Variants in BMPR1A observed in about 807,000 individuals in gnomAD.
BMPR1A encodes bone morphogenetic protein receptor type-1A.
A neutral mutation model predicts 66.0 loss-of-function variants in BMPR1A; 7 were observed. The ratio of observed to expected loss-of-function variants is 0.11; its 90% CI spans 0.06 to 0.20. BMPR1A has a LOEUF of 0.20. Ranked by LOEUF, BMPR1A falls within the 10% of genes least tolerant of loss-of-function variation. The pLI, the probability that BMPR1A is intolerant of heterozygous loss-of-function variation, is 1.00. For missense variants in BMPR1A, 408 were observed against 669.1 expected (o/e 0.61, Z 4.31); for synonymous variants, 200 against 229.7 (o/e 0.87, Z 1.17).
chr10:86,868,613 T>G (rs1842813707), intron 2 of BMPR1A, among the ~76,000 whole-genome samples: 1 of 151,862 alleles, frequency 6.6e-6, no homozygotes, highest in Non-Finnish European at 1.5e-5. Flanking sequence ...GAAAGGAGAG[T>G]TTTCTCCTTG....
At chr10:86,786,439 C>T (rs1333166828) in intron 1 of BMPR1A, among the ~76,000 whole-genome samples, 1 of 152,126 alleles carries the variant, frequency 6.6e-6, no homozygotes, top group African/African-American at 2.4e-5. Context: ...AGCTCTGACC[C>T]TACCTTTCTC....
Position 86,926,865 on chromosome 10 carries a change from T to A in BMPR1A, c.*3146T>A, listed in dbSNP as rs1456590386. 1 of 193,436 alleles carries A rather than the reference T, an allele frequency of 5.2e-6. No homozygotes were observed. Among genetic ancestry groups the A allele is most frequent in the Non-Finnish European group, 1.1e-5 (1 of 92,862 alleles). 12.0% of individuals were successfully genotyped at this position (193,436 alleles called of 1,614,324 possible). ...AAAGAGAGTTCTTGTGAATTCTCTT[T>A]ATGCTGGCAAATAGCTCTAGGATTA... On this transcript the variant is annotated 3_prime_UTR_variant, in exon 13 of 13. Coordinates refer to ENST00000372037, the MANE Select transcript of BMPR1A (RefSeq NM_004329.3).
At chr10:86,918,262 C>T (rs983348614) in intron 9 of BMPR1A, among the ~76,000 whole-genome samples, 5 of 151,990 alleles carry the variant, frequency 3.3e-5, no homozygotes, top group Non-Finnish European at 7.4e-5. Context: ...AATAAGGTCA[C>T]GTTTATAGAT....
chr10:86,875,375 A>G (rs1320479388), intron 2 of BMPR1A, among the ~76,000 whole-genome samples: 1 of 152,036 alleles, frequency 6.6e-6, no homozygotes, highest in East Asian at 1.9e-4. Flanking sequence ...TCTGTCTCAA[A>G]TAAAATAAAA....
intron 9 of BMPR1A, among the ~76,000 whole-genome samples, 176 bp from the exon 10 acceptor site, chr10:86,918,996 T>C (rs776133318): frequency 2.6e-4 from 39 of 152,236 alleles, no homozygotes; most frequent in Non-Finnish European, 5.4e-4. Flanking sequence ...TACAGATATA[T>C]GTGTAAATGT....
At chr10:86,880,883 G>T (rs967633948) in intron 3 of BMPR1A, among the ~76,000 whole-genome samples, 1 of 150,538 alleles carries the variant, frequency 6.6e-6, no homozygotes, top group Non-Finnish European at 1.5e-5. Flanking sequence ...TTAAATCCAC[G>T]TGTTTGTAAT....
At chr10:86,814,874 C>T (rs757248853) in intron 1 of BMPR1A, among the ~76,000 whole-genome samples, 6 of 152,132 alleles carry the variant, frequency 3.9e-5, no homozygotes, top group Non-Finnish European at 7.3e-5. Context: ...CAACCTCTGC[C>T]TCCTGAGTTC....
At position 86,919,204 on chromosome 10, in the gene BMPR1A, T is replaced by C; in HGVS notation, c.901T>C (p.Ser301Pro). The change falls in exon 10 of 13, where the codon TCC becomes CCC. Residue 301 changes from serine (S) to proline (P), a missense_variant. Ser to Pro is a moderately conservative substitution (Grantham distance 74). Transcript: ENST00000372037. Reference protein sequence around the residue: ...FIAADIKGTGSWTQLYLITDY... With the variant: ...FIAADIKGTGPWTQLYLITDY... ...AGCGGCAGACATTAAAGGTACAGGT[T>C]CCTGGACTCAGCTCTATTTGATTAC... 6.2e-7 allele frequency: 1 copy of C among 1,613,956 alleles called. No homozygotes were observed. The highest frequency in any genetic ancestry group is 2.2e-5 in the East Asian group (1 of 44,876).
At chr10:86,763,419 A>G (rs1210106891) in intron 1 of BMPR1A, among the ~76,000 whole-genome samples, 1 of 152,194 alleles carries the variant, frequency 6.6e-6, no homozygotes, top group African/African-American at 2.4e-5. Flanking sequence ...TCGTTTCTTT[A>G]TCTTAAAAAA....
intron 7 of BMPR1A, among the ~76,000 whole-genome samples, chr10:86,900,344 A>AT (rs1263337140): frequency 6.6e-6 from 1 of 150,836 alleles, no homozygotes; most frequent in Non-Finnish European, 1.5e-5. Flanking sequence ...ATTACTTATG[A>AT]TTTTCTTATT....
In BMPR1A at chr10:86,912,343, C is replaced by G. The variant is rs876658138; in HGVS notation, c.634C>G (p.Gln212Glu). The G allele has an allele frequency of 6.2e-7, 1 of 1,613,912 alleles. No homozygotes were observed. The highest frequency in any genetic ancestry group is 1.7e-5 in the Admixed American group (1 of 59,998). ...VGESLKDLID[Q>E]SQSSGSGSGL... ...AGAATCACTAAAAGACCTTATTGAC[C>G]AGTCACAAAGTTCTGGTAGTGGGTC... The change falls in exon 8 of 13, where the codon CAG (glutamine) becomes GAG (glutamate). Residue 212 changes from glutamine (Q) to glutamate (E), a missense_variant. Physicochemically the swap from Gln to Glu is conservative, Grantham distance 29. Coordinates refer to ENST00000372037, the MANE Select transcript of BMPR1A (RefSeq NM_004329.3).
chr10:86,917,389 C>A, intron 9 of BMPR1A, 63 bp downstream of exon 9: 6 of 1,576,406 alleles, frequency 3.8e-6, no homozygotes, highest in Non-Finnish European at 5.2e-6. Context: ...CAGGTGGAAG[C>A]CTCCATATGT....
intron 2 of BMPR1A, among the ~76,000 whole-genome samples, chr10:86,839,733 G>A (rs1175401884): frequency 6.6e-6 from 1 of 151,272 alleles, no homozygotes; most frequent in Non-Finnish European, 1.5e-5. Context: ...ACTGCAGTGA[G>A]CATAGTTTCA....
At chr10:86,836,691 A>T (rs1842352609) in intron 1 of BMPR1A, among the ~76,000 whole-genome samples, 1 of 152,104 alleles carries the variant, frequency 6.6e-6, no homozygotes, top group African/African-American at 2.4e-5. Context: ...CCAGCTACTC[A>T]GGAGGCTGAG....
chr10:86,850,832 A>G (rs927334090), intron 2 of BMPR1A, among the ~76,000 whole-genome samples: 1 of 152,160 alleles, frequency 6.6e-6, no homozygotes, highest in Non-Finnish European at 1.5e-5. Context: ...GATAATTTTT[A>G]AAGACAGCCC....
chr10:86,866,377 G>A (rs1431390491), intron 2 of BMPR1A, among the ~76,000 whole-genome samples: 1 of 128,798 alleles, frequency 7.8e-6, no homozygotes, highest in Non-Finnish European at 1.7e-5. Context: ...TACTGGTTGT[G>A]TTAAGTTGGG....
intron 1 of BMPR1A, among the ~76,000 whole-genome samples, chr10:86,764,763 C>T (rs566921442): frequency 6.6e-6 from 1 of 152,300 alleles, no homozygotes; most frequent in Admixed American, 6.5e-5. Context: ...TAGCCACTAC[C>T]ACATGTGGCT....
intron 7 of BMPR1A, among the ~76,000 whole-genome samples, chr10:86,910,335 CTCAAAATA>C (rs1843460624): frequency 6.6e-6 from 1 of 151,986 alleles, no homozygotes. Context: ...AAGACTCCAT[CTCAAAATA>C]AATAAAGAAA....
intron 1 of BMPR1A, among the ~76,000 whole-genome samples, chr10:86,835,548 TCAAAAAAAAAAAAAAAAAAA>T (rs1397029220): frequency 8.0e-4 from 9 of 11,298 alleles, no homozygotes; most frequent in Admixed American, 4.2e-3. Context: ...AGACTCTGTA[TCAAAAAAAAAAAAAAAAAAA>T]AAAAAAAAAA....
Sources: allele counts gnomAD v4.1 joint callset (sites outside exome capture counted in the v4.1 genomes callset), GRCh38; gene constraint gnomAD v4.1.1; transcripts MANE v1.5; gene names NCBI Gene and HGNC (gene_info 2026-07-23, HGNC 2026-07-21).